The following KCNMA1 variants were observed in gnomAD, a reference collection of about 807,000 sequenced individuals.
KCNMA1 encodes Calcium-activated potassium channel subunit alpha-1.
In KCNMA1, 29 loss-of-function variants were observed where a neutral mutation model predicts 140.0. The observed-to-expected ratio is 0.21, with a 90% CI of 0.15 to 0.28. The LOEUF (loss-of-function observed/expected upper bound fraction) is 0.28. Ranked by LOEUF, KCNMA1 falls within the 10% of genes least tolerant of loss-of-function variation. KCNMA1 has a pLI of 1.00. For missense variants in KCNMA1, 880 were observed against 1,602.2 expected (o/e 0.55, Z 7.70); for synonymous variants, 612 against 611.9 (o/e 1.00, Z 0.00).
chr10:77,469,250 C>G (rs140395019), intron 1 of KCNMA1, among the ~76,000 whole-genome samples: 1 of 152,148 alleles, frequency 6.6e-6, no homozygotes, highest in Non-Finnish European at 1.5e-5. Flanking sequence ...GAGATCCACA[C>G]GCCATCCAAG....
At chr10:77,551,312 T>C (rs546849573) in intron 1 of KCNMA1, among the ~76,000 whole-genome samples, 1 of 152,344 alleles carries the variant, frequency 6.6e-6, no homozygotes, top group African/African-American at 2.4e-5. Context: ...GAATTCTGTG[T>C]ATCCAATTTT....
intron 20 of KCNMA1, among the ~76,000 whole-genome samples, chr10:76,960,629 T>TTG: frequency 6.7e-6 from 1 of 148,426 alleles, no homozygotes; most frequent in Non-Finnish European, 1.5e-5. Flanking sequence ...TTTTTTTTTT[T>TTG]TTTTTTTTTT....
At chr10:77,503,373 C>T (rs537917249) in intron 1 of KCNMA1, among the ~76,000 whole-genome samples, 3 of 152,278 alleles carry the variant, frequency 2.0e-5, no homozygotes, top group African/African-American at 7.2e-5. Flanking sequence ...TCACCTCTTT[C>T]TCCCTAGCAC....
chr10:77,517,042 T>C (rs1030777534), intron 1 of KCNMA1, among the ~76,000 whole-genome samples: 3 of 150,522 alleles, frequency 2.0e-5, no homozygotes, highest in Admixed American at 2.0e-4. Flanking sequence ...CCTGCATACA[T>C]GTGCATGCAT....
chr10:77,090,567 C>T, intron 9 of KCNMA1, 57 bp from the exon 10 acceptor site: 1 of 1,125,152 alleles, frequency 8.9e-7, no homozygotes, highest in South Asian at 1.2e-5. Flanking sequence ...CCCTGCATCC[C>T]ACCCCCTGGC....
At chr10:77,189,796 A>T (rs2098924107) in intron 3 of KCNMA1, among the ~76,000 whole-genome samples, 1 of 152,148 alleles carries the variant, frequency 6.6e-6, no homozygotes, top group Non-Finnish European at 1.5e-5. Flanking sequence ...AGCACCACAG[A>T]CATGAGTCAA....
chr10:77,181,023 C>G (rs1598090653), intron 5 of KCNMA1, among the ~76,000 whole-genome samples: 1 of 152,150 alleles, frequency 6.6e-6, no homozygotes, highest in African/African-American at 2.4e-5. Flanking sequence ...CACAAGGAAG[C>G]TGGGCTCCAC....
chr10:77,601,049 A>T (rs934636872), intron 1 of KCNMA1, among the ~76,000 whole-genome samples: 1 of 152,226 alleles, frequency 6.6e-6, no homozygotes, highest in Admixed American at 6.5e-5. Flanking sequence ...TCATCTGCGA[A>T]GCAAAAGAGA....
chr10:77,171,392 T>TGTGTGTGC (rs71751356), intron 5 of KCNMA1, among the ~76,000 whole-genome samples: 1 of 111,406 alleles, frequency 9.0e-6, no homozygotes, highest in South Asian at 3.5e-4. Context: ...TGTGCGTGTG[T>TGTGTGTGC]GTGTGTGCGT....
At chr10:77,381,629 T>C (rs918636186) in intron 2 of KCNMA1, among the ~76,000 whole-genome samples, 2 of 152,168 alleles carry the variant, frequency 1.3e-5, no homozygotes, top group Non-Finnish European at 2.9e-5. Flanking sequence ...GGTCTAAGTT[T>C]CAATGACTTT....
At chr10:77,561,039 C>CTGTA in intron 1 of KCNMA1, among the ~76,000 whole-genome samples, 1 of 139,846 alleles carries the variant, frequency 7.2e-6, no homozygotes, top group East Asian at 2.1e-4. Flanking sequence ...ACGGCTCCTC[C>CTGTA]TGACAATGTA....
chr10:77,537,922 T>C (rs1057353571), intron 1 of KCNMA1, among the ~76,000 whole-genome samples: 1 of 152,016 alleles, frequency 6.6e-6, no homozygotes, highest in Admixed American at 6.6e-5. Context: ...GTTATGATGA[T>C]GGATGGGCAG....
chr10:77,564,709 TA>T (rs1247710428), intron 1 of KCNMA1, among the ~76,000 whole-genome samples: 8 of 152,278 alleles, frequency 5.3e-5, no homozygotes, highest in Middle Eastern at 3.4e-3. Flanking sequence ...TCCTGGCATC[TA>T]GGTGAAAGAA....
At chr10:77,294,468 GCAA>G (rs1211542615) in intron 2 of KCNMA1, among the ~76,000 whole-genome samples, 1 of 152,222 alleles carries the variant, frequency 6.6e-6, no homozygotes, top group East Asian at 1.9e-4. Context: ...AGGCAATGCA[GCAA>G]CAACTATCAT....
chr10:77,014,842 C>T (rs114121336), intron 17 of KCNMA1, among the ~76,000 whole-genome samples: 2,320 of 152,310 alleles, frequency 0.015, 61 homozygotes, highest in African/African-American at 0.051. Flanking sequence ...AAGAATCATT[C>T]TCTTCCCCAC....
At chr10:77,305,259 A>G (rs2077413447) in intron 2 of KCNMA1, among the ~76,000 whole-genome samples, 1 of 152,192 alleles carries the variant, frequency 6.6e-6, no homozygotes, top group Non-Finnish European at 1.5e-5. Context: ...TTCCCACTCT[A>G]TCAGCTTACC....
chr10:77,404,127 G>A lies in KCNMA1; in HGVS notation c.379-104C>T, dbSNP rs937627028. 8 of 1,073,452 alleles carry A rather than the reference G, an allele frequency of 7.5e-6. No individual in the cohort carries two copies. The African/African-American group carries it at 7.7e-5, about 10-fold the overall frequency. 66.5% of individuals were successfully genotyped at this position (1,073,452 alleles called of 1,614,324 possible). ...GCCAGAAGGGGTCCCCAGCTGAGAT[G>A]GAAACTAGCTTAAAGGTATAGGAGT... On this transcript the variant is annotated intron_variant, in intron 1 of 27. Transcript: ENST00000286628.
intron 23 of KCNMA1, chr10:76,929,986 G>A (rs1440251785): frequency 6.6e-6 from 1 of 152,068 alleles, no homozygotes; most frequent in Non-Finnish European, 1.5e-5. Flanking sequence ...AAATCAAATG[G>A]ATTAAAGACT....
At chr10:77,185,743 C>T (rs1435085522) in intron 3 of KCNMA1, among the ~76,000 whole-genome samples, 1 of 151,930 alleles carries the variant, frequency 6.6e-6, no homozygotes, top group African/African-American at 2.4e-5. Context: ...TGTGTGCTTT[C>T]CTGTGTCAAA....
Sources: gnomAD v4.1 joint callset for allele counts (sites outside exome capture counted in the v4.1 genomes callset) on GRCh38, gnomAD v4.1.1 for gene constraint, MANE v1.5 for transcripts, NCBI Gene and HGNC (gene_info 2026-07-23, HGNC 2026-07-21) for gene names.